GALNT7: variants seen among roughly 807,000 people sequenced by gnomAD.
The protein encoded by GALNT7 is polypeptide N-acetylgalactosaminyltransferase 7.
GALNT7 carries 60 observed loss-of-function variants against 82.1 expected under a neutral mutation model. That is an observed-to-expected ratio of 0.73 (90% CI 0.59 to 0.91). The LOEUF is 0.91. Ranked by LOEUF, GALNT7 falls within the 40% of genes least tolerant of loss-of-function variation. GALNT7 has a pLI of 0.00. For synonymous variants in GALNT7, 243 were observed against 275.1 expected (o/e 0.88, Z 1.15); for missense variants, 660 against 804.2 (o/e 0.82, Z 2.17).
At chr4:173,198,972 A>G (rs1413560518) in intron 1 of GALNT7, among the ~76,000 whole-genome samples, 1 of 152,204 alleles carries the variant, frequency 6.6e-6, no homozygotes, top group Non-Finnish European at 1.5e-5. Flanking sequence ...CCTTGCAAAA[A>G]TCTTGGAGGG....
In GALNT7 at chr4:173,241,870, G is replaced by C. The variant is rs537545352; in HGVS notation, c.127-6110G>C. Among the ~76,000 whole-genome samples, 21 of 152,216 alleles carry C rather than the reference G, an allele frequency of 1.4e-4. No individual in the cohort carries two copies. The South Asian group carries it at 4.1e-3, about 30-fold the overall frequency. On this transcript the variant is annotated intron_variant, in intron 1 of 11. Transcript: ENST00000265000. ...GAAACCCGATAAAATCTTCCCAGTAGGTGGCTAAAACTGCTTCACAGACTT... is the reference window on the plus strand; with the variant it reads ...GAAACCCGATAAAATCTTCCCAGTACGTGGCTAAAACTGCTTCACAGACTT...
At chr4:173,316,075 T>C (rs995128693) in intron 9 of GALNT7, 1 of 152,286 alleles carries the variant, frequency 6.6e-6, no homozygotes, top group Non-Finnish European at 1.5e-5. Flanking sequence ...ATCATGTCCT[T>C]CTTCTGCTAG....
chr4:173,275,939 G>T (rs748018140), intron 2 of GALNT7, among the ~76,000 whole-genome samples: 2 of 152,088 alleles, frequency 1.3e-5, no homozygotes, highest in African/African-American at 4.8e-5. Flanking sequence ...TCAAAAATGG[G>T]TCCTACCTTC....
At chr4:173,219,093 T>C (rs1241709598) in intron 1 of GALNT7, among the ~76,000 whole-genome samples, 1 of 152,142 alleles carries the variant, frequency 6.6e-6, no homozygotes, top group Non-Finnish European at 1.5e-5. Flanking sequence ...GCAATGTCAC[T>C]GTAGCCAATG....
intron 8 of GALNT7, among the ~76,000 whole-genome samples, chr4:173,306,206 C>T (rs1737151099): frequency 6.6e-6 from 1 of 152,132 alleles, no homozygotes; most frequent in Non-Finnish European, 1.5e-5. Context: ...TATAGAAACA[C>T]TACTGATTTT....
chr4:173,296,942 T>G (rs1736737318), intron 5 of GALNT7, among the ~76,000 whole-genome samples: 1 of 152,206 alleles, frequency 6.6e-6, no homozygotes, highest in African/African-American at 2.4e-5. Flanking sequence ...AGGTTTTCCC[T>G]TTTCCTTGGT....
chr4:173,215,232 C>CT (rs571862059), intron 1 of GALNT7, among the ~76,000 whole-genome samples: 36,657 of 139,836 alleles, frequency 0.26, 5,512 homozygotes, highest in Admixed American at 0.35. Context: ...TCTTCTTCTT[C>CT]TTTTTTTTTT....
At chr4:173,276,183 T>G (rs553817115) in intron 2 of GALNT7, among the ~76,000 whole-genome samples, 1 of 152,330 alleles carries the variant, frequency 6.6e-6, no homozygotes, top group Non-Finnish European at 1.5e-5. Context: ...AGTACTCGTG[T>G]GACAAAGGAG....
chr4:173,178,915 G>C (rs1732162348), intron 1 of GALNT7, among the ~76,000 whole-genome samples: 1 of 152,308 alleles, frequency 6.6e-6, no homozygotes. Flanking sequence ...TGAGAATAGA[G>C]TAGATGACCT....
chr4:173,312,522 A>C (rs1048211770), intron 8 of GALNT7, among the ~76,000 whole-genome samples: 3 of 152,220 alleles, frequency 2.0e-5, no homozygotes, highest in African/African-American at 7.2e-5. Flanking sequence ...CCATTAATGT[A>C]TTAACAACCC....
chr4:173,295,464 G>GA lies in GALNT7; in HGVS notation c.826dup (p.Arg276LysfsTer17), dbSNP rs747375900. ...TGGCCTAGTGAAGGTATTTCGAAATGAAAGAAGGGAAGGTTTAATTCAAGC... is the reference window on the plus strand; with the variant it reads ...TGGCCTAGTGAAGGTATTTCGAAATGAAAAGAAGGGAAGGTTTAATTCAAGC... On this transcript the variant is annotated frameshift_variant, in exon 4 of 12. Coordinates refer to ENST00000265000, the MANE Select transcript of GALNT7 (RefSeq NM_017423.3). LOFTEE classifies it high-confidence loss of function. 1.7e-5 allele frequency: 27 copies of GA among 1,611,758 alleles called. No individual in the cohort carries two copies. The highest frequency in any genetic ancestry group is 2.2e-5 in the Non-Finnish European group (26 of 1,177,992).
chr4:173,233,172 A>G (rs974576881), intron 1 of GALNT7, among the ~76,000 whole-genome samples: 2 of 152,110 alleles, frequency 1.3e-5, no homozygotes, highest in African/African-American at 4.8e-5. Flanking sequence ...TATCTTGGCT[A>G]TTGTGAATAG....
intron 1 of GALNT7, among the ~76,000 whole-genome samples, chr4:173,197,063 CTTTTTTTTT>C (rs5864189): frequency 4.2e-4 from 49 of 117,954 alleles, no homozygotes; most frequent in African/African-American, 1.3e-3. Context: ...CTCTCTCTCC[CTTTTTTTTT>C]TTTTTTTTTT....
chr4:173,232,628 G>A (rs962896416), intron 1 of GALNT7, among the ~76,000 whole-genome samples: 1 of 151,890 alleles, frequency 6.6e-6, no homozygotes, highest in African/African-American at 2.4e-5. Flanking sequence ...AAAGATGGGG[G>A]TCTCTCTATG....
At chr4:173,169,728 C>T (rs2126610174) in intron 1 of GALNT7, 1 of 152,146 alleles carries the variant, frequency 6.6e-6, no homozygotes, top group South Asian at 2.1e-4. Context: ...CCCGCCGCCC[C>T]CAGCCCTCAG....
intron 8 of GALNT7, 55 bp downstream of exon 8, chr4:173,304,173 G>C: frequency 6.7e-7 from 1 of 1,486,694 alleles, no homozygotes; most frequent in Non-Finnish European, 9.2e-7. Context: ...TGTACCACAT[G>C]CTATAGTAGT....
chr4:173,266,150 C>A (rs1735482446), intron 2 of GALNT7, among the ~76,000 whole-genome samples: 1 of 152,192 alleles, frequency 6.6e-6, no homozygotes, highest in South Asian at 2.1e-4. Flanking sequence ...ATCCCAGCTA[C>A]TTAGGAGGCT....
chr4:173,190,556 T>C (rs1732598846), intron 1 of GALNT7, among the ~76,000 whole-genome samples: 1 of 152,222 alleles, frequency 6.6e-6, no homozygotes, highest in Non-Finnish European at 1.5e-5. Context: ...AGTGTAAATC[T>C]GATCTTATCC....
intron 2 of GALNT7, chr4:173,282,400 C>T (rs1449335033): frequency 6.6e-6 from 1 of 152,192 alleles, no homozygotes; most frequent in Non-Finnish European, 1.5e-5. Flanking sequence ...CAGGTGCAGC[C>T]TGAGTTTTTG....
Sources: allele counts gnomAD v4.1 joint callset (sites outside exome capture counted in the v4.1 genomes callset), GRCh38; gene constraint gnomAD v4.1.1; transcripts MANE v1.5; gene names NCBI Gene and HGNC (gene_info 2026-07-23, HGNC 2026-07-21).